IQSEC1: variants seen among roughly 807,000 people sequenced by gnomAD.
IQSEC1 encodes the protein IQ motif and Sec7 domain ArfGEF 1.
In IQSEC1, 31 loss-of-function variants were observed where a neutral mutation model predicts 91.0. The ratio of observed to expected loss-of-function variants is 0.34; its 90% CI spans 0.26 to 0.46. The LOEUF is 0.46. Among genes scored for constraint, IQSEC1 ranks in the 20% least tolerant of loss-of-function variants. The pLI is 1.00. For synonymous variants in IQSEC1, 699 were observed against 662.6 expected (o/e 1.05, Z -0.84); for missense variants, 1,388 against 1,575.6 (o/e 0.88, Z 2.02).
chr3:13,251,412 C>G lies in IQSEC1; in HGVS notation c.272+31299G>C, dbSNP rs148442260. On this transcript the variant is annotated intron_variant, in intron 1 of 15. Coordinates refer to the IQSEC1 transcript ENST00000648114. ...TGTGGTAACTGCTCAGCAACTGGAA[C>G]AGTTCTGGCTCATAGAGTAGAAGCT... Among the ~76,000 whole-genome samples, 1,145 of 152,324 alleles carry G rather than the reference C, an allele frequency of 7.5e-3. 9 individuals are homozygous for G. The highest frequency in any genetic ancestry group is 0.012 in the Non-Finnish European group (790 of 68,028).
At chr3:13,114,710 T>C (rs1483734068) in intron 2 of IQSEC1, among the ~76,000 whole-genome samples, 1 of 150,868 alleles carries the variant, frequency 6.6e-6, no homozygotes, top group Non-Finnish European at 1.5e-5. Flanking sequence ...GGAGAATCAC[T>C]TGAACACAGA....
rs964076044 is a variant in IQSEC1, at chr3:12,914,476, G to A, written c.2190+628C>T. Among the ~76,000 whole-genome samples, 18 of 152,330 alleles carry A rather than the reference G, an allele frequency of 1.2e-4. No individual in the cohort carries two copies. The East Asian group carries it at 1.3e-3, about 11-fold the overall frequency. On this transcript the variant is annotated intron_variant, in intron 8 of 13. Transcript: ENST00000613206. ...AAGATGAGGGGGAAAATGTGGCCCA[G>A]CCTGGGGTGCTTAGGTTGCAAAGGT...
intron 1 of IQSEC1, among the ~76,000 whole-genome samples, chr3:13,264,722 G>A (rs1031599679): frequency 3.3e-5 from 5 of 151,904 alleles, no homozygotes; most frequent in African/African-American, 1.2e-4. Flanking sequence ...GGAGGACGGA[G>A]GAGAGGGCAG....
chr3:13,068,919 G>A (rs983321123), intron 1 of IQSEC1, among the ~76,000 whole-genome samples: 4 of 152,200 alleles, frequency 2.6e-5, no homozygotes, highest in Non-Finnish European at 5.9e-5. Context: ...TATCCCCTGA[G>A]AGCAGCACCC....
chr3:13,144,253 C>A (rs758639360), intron 2 of IQSEC1, among the ~76,000 whole-genome samples: 1 of 152,170 alleles, frequency 6.6e-6, no homozygotes, highest in Non-Finnish European at 1.5e-5. Flanking sequence ...CCACGGCCGG[C>A]GAGCATGCAG....
intron 1 of IQSEC1, among the ~76,000 whole-genome samples, chr3:13,009,292 T>C (rs1448784412): frequency 1.3e-5 from 2 of 152,152 alleles, no homozygotes; most frequent in Admixed American, 1.3e-4. Context: ...CTCCATGTGG[T>C]GGCGGTGAAG....
At chr3:12,980,137 C>T (rs927433172) in intron 1 of IQSEC1, among the ~76,000 whole-genome samples, 1 of 152,198 alleles carries the variant, frequency 6.6e-6, no homozygotes, top group Non-Finnish European at 1.5e-5. Flanking sequence ...GGCTGCACCT[C>T]TGTTATCTCC....
intron 2 of IQSEC1, among the ~76,000 whole-genome samples, chr3:13,122,710 C>G (rs1706445603): frequency 6.6e-6 from 1 of 152,186 alleles, no homozygotes; most frequent in Non-Finnish European, 1.5e-5. Context: ...ATTGGCTTCA[C>G]TTTGCTGCCA....
intron 1 of IQSEC1, among the ~76,000 whole-genome samples, chr3:12,953,814 T>C (rs913354680): frequency 4.6e-5 from 7 of 152,314 alleles, no homozygotes; most frequent in Non-Finnish European, 8.8e-5. Context: ...AGTCCAACAC[T>C]TGAGTTGGAA....
intron 4 of IQSEC1, among the ~76,000 whole-genome samples, chr3:12,923,565 T>C (rs1696827019): frequency 1.3e-5 from 2 of 152,200 alleles, no homozygotes; most frequent in Admixed American, 1.3e-4. Flanking sequence ...GGGGACTACA[T>C]GAGTGCCGTG....
chr3:13,078,307 C>G (rs1029696228), upstream of IQSEC1, among the ~76,000 whole-genome samples: 1 of 152,078 alleles, frequency 6.6e-6, no homozygotes, highest in African/African-American at 2.4e-5. Context: ...GTAATGTGAG[C>G]GAGAGAAGGC....
At chr3:13,192,067 G>A (rs1404445116) in intron 1 of IQSEC1, among the ~76,000 whole-genome samples, 1 of 152,192 alleles carries the variant, frequency 6.6e-6, no homozygotes, top group African/African-American at 2.4e-5. Flanking sequence ...TGGGCACGGT[G>A]GCTCACGCCT....
chr3:12,995,456 G>C (rs1176063399), intron 1 of IQSEC1, among the ~76,000 whole-genome samples: 2 of 152,240 alleles, frequency 1.3e-5, no homozygotes, highest in East Asian at 1.9e-4. Context: ...CACTGGAGGA[G>C]GATTATTCAT....
intron 1 of IQSEC1, among the ~76,000 whole-genome samples, chr3:13,018,445 G>C: frequency 6.6e-6 from 1 of 152,248 alleles, no homozygotes; most frequent in East Asian, 1.9e-4. Context: ...GGCCCACGAA[G>C]AGGCTCAAAC....
intron 2 of IQSEC1, among the ~76,000 whole-genome samples, chr3:13,114,732 G>A (rs1031146134): frequency 2.0e-5 from 3 of 148,898 alleles, no homozygotes; most frequent in African/African-American, 5.0e-5. Context: ...AGTGGAGGTC[G>A]CAGTGGACCA....
Position 13,103,733 on chromosome 3 carries a change from G to A in IQSEC1, c.303-56211C>T, listed in dbSNP as rs115712734. On this transcript the variant is annotated intron_variant, in intron 2 of 15. Coordinates refer to the IQSEC1 transcript ENST00000648114. The surrounding 1 kb of genome is among the most constrained non-coding windows in gnomAD (Gnocchi z 4.1). ...GTTGGAGGCCTGACCCCCAGAGGGTGCGCCTCCTACCCCTGGGAGCTCCCC... is the reference window on the plus strand; with the variant it reads ...GTTGGAGGCCTGACCCCCAGAGGGTACGCCTCCTACCCCTGGGAGCTCCCC... 2.6e-3 allele frequency among the ~76,000 whole-genome samples: 397 copies of A among 152,232 alleles called. 1 individual carries two copies. Among genetic ancestry groups the A allele is most frequent in the African/African-American group, 8.4e-3 (349 of 41,538 alleles).
At chr3:13,020,344 T>A (rs1480002683) in intron 1 of IQSEC1, among the ~76,000 whole-genome samples, 1 of 152,142 alleles carries the variant, frequency 6.6e-6, no homozygotes, top group Non-Finnish European at 1.5e-5. Flanking sequence ...GGCATCCTCA[T>A]CCCAAGAGAA....
chr3:13,084,292 G>C (rs1705698392), intron 2 of IQSEC1, among the ~76,000 whole-genome samples: 1 of 151,376 alleles, frequency 6.6e-6, no homozygotes, highest in Admixed American at 6.6e-5. Context: ...CATAGGTGGT[G>C]TGGAGTCTGG....
chr3:13,264,531 AC>A (rs1394064791), intron 1 of IQSEC1, among the ~76,000 whole-genome samples: 1 of 151,460 alleles, frequency 6.6e-6, no homozygotes, highest in Non-Finnish European at 1.5e-5. Context: ...GGTGCCCGGC[AC>A]CCCCTCCTCC....
Sources: gnomAD v4.1 joint callset for allele counts (sites outside exome capture counted in the v4.1 genomes callset) on GRCh38, gnomAD v4.1.1 for gene constraint, Gnocchi (gnomAD v3.1) non-coding constraint, MANE v1.5 for transcripts, NCBI Gene and HGNC (gene_info 2026-07-23, HGNC 2026-07-21) for gene names.